The following ZNF521 variants were observed in gnomAD, a reference collection of about 807,000 sequenced individuals.
ZNF521 encodes zinc finger protein 521, also known as LYST-interacting protein 3.
A neutral mutation model predicts 105.5 loss-of-function variants in ZNF521; 14 were observed. The observed-to-expected ratio is 0.13, with a 90% CI of 0.09 to 0.21. The LOEUF (loss-of-function observed/expected upper bound fraction) is 0.21. Ranked by LOEUF, ZNF521 falls within the 10% of genes least tolerant of loss-of-function variation. ZNF521 has a pLI of 1.00. For missense variants in ZNF521, 1,233 were observed against 1,629.7 expected (o/e 0.76, Z 4.19); for synonymous variants, 635 against 606.0 (o/e 1.05, Z -0.70).
intron 5 of ZNF521, among the ~76,000 whole-genome samples, chr18:25,188,054 A>C (rs1315585347): frequency 2.6e-5 from 4 of 152,098 alleles, no homozygotes; most frequent in Non-Finnish European, 5.9e-5. Context: ...AACAGTACAG[A>C]AAAACAGAGT....
At chr18:25,298,215 T>G (rs1172722401) in intron 3 of ZNF521, among the ~76,000 whole-genome samples, 1 of 152,162 alleles carries the variant, frequency 6.6e-6, no homozygotes, top group East Asian at 1.9e-4. Flanking sequence ...AAATACAAAA[T>G]TTATAGAAGT....
chr18:25,253,574 T>C (rs904499723), intron 3 of ZNF521, among the ~76,000 whole-genome samples: 3 of 152,140 alleles, frequency 2.0e-5, no homozygotes, highest in African/African-American at 7.2e-5. Flanking sequence ...GGATTTTAAA[T>C]TTTTTGAATA....
At chr18:25,090,795 AC>A (rs1281034270) in intron 6 of ZNF521, among the ~76,000 whole-genome samples, 5 of 152,196 alleles carry the variant, frequency 3.3e-5, no homozygotes, top group Non-Finnish European at 7.3e-5. Context: ...CTTTATGAAG[AC>A]TTATGAGCTT....
intron 5 of ZNF521, among the ~76,000 whole-genome samples, chr18:25,153,326 C>T (rs1473142091): frequency 6.6e-6 from 1 of 152,180 alleles, no homozygotes; most frequent in African/African-American, 2.4e-5. Context: ...ACTGCCTATA[C>T]ACATTTCATC....
At chr18:25,336,204 A>G (rs1445185477) in intron 2 of ZNF521, among the ~76,000 whole-genome samples, 1 of 152,232 alleles carries the variant, frequency 6.6e-6, no homozygotes, top group Non-Finnish European at 1.5e-5. Context: ...GTGCTTCTAG[A>G]CAACACAGAA....
At chr18:25,112,134 A>G (rs552387483) in intron 5 of ZNF521, among the ~76,000 whole-genome samples, 2 of 152,346 alleles carry the variant, frequency 1.3e-5, no homozygotes, top group African/African-American at 4.8e-5. Context: ...TCCTCTTCAG[A>G]AAATGTTCTT....
intron 3 of ZNF521, among the ~76,000 whole-genome samples, chr18:25,279,370 C>T (rs188986032): frequency 1.3e-5 from 2 of 152,286 alleles, no homozygotes; most frequent in East Asian, 1.9e-4. Flanking sequence ...TGTGTGTAAA[C>T]GAGCTTCATA....
At chr18:25,082,507 AG>A in intron 7 of ZNF521, 1 of 437,920 alleles carries the variant, frequency 2.3e-6, no homozygotes. Context: ...AAGACATAAC[AG>A]GGTTTTGAGT....
rs915400310 is a variant in ZNF521 at position 25,291,837 on chromosome 18, A to G, written c.220+30171T>C. On this transcript the variant is annotated intron_variant, in intron 3 of 7. Transcript: ENST00000361524. Reference sequence around the variant, plus strand: ...AATTTCTGAGTTTCCAGAATACAATAATCAACACCCTCTCTAGATACAACT... The same window carrying G: ...AATTTCTGAGTTTCCAGAATACAATGATCAACACCCTCTCTAGATACAACT... Among the ~76,000 whole-genome samples the G allele has an allele frequency of 2.0e-5, 3 of 152,314 alleles. No homozygotes were observed. In the East Asian group the frequency reaches 5.8e-4, roughly 29 times the overall value.
intron 5 of ZNF521, among the ~76,000 whole-genome samples, chr18:25,169,345 C>A (rs1442735687): frequency 6.6e-6 from 1 of 152,088 alleles, no homozygotes; most frequent in African/African-American, 2.4e-5. Flanking sequence ...TCCACACTTG[C>A]TAGATAAAAC....
chr18:25,288,509 T>C (rs1703675465), intron 3 of ZNF521, among the ~76,000 whole-genome samples: 1 of 149,928 alleles, frequency 6.7e-6, no homozygotes, highest in Non-Finnish European at 1.5e-5. Flanking sequence ...TCTCTTTTCC[T>C]CTTTTCTCTC....
At chr18:25,303,267 C>CGTG (rs1911745328) in intron 3 of ZNF521, among the ~76,000 whole-genome samples, 1 of 139,022 alleles carries the variant, frequency 7.2e-6, no homozygotes, top group African/African-American at 2.8e-5. Flanking sequence ...CTCTTTCTTT[C>CGTG]TTTCGTGTGT....
chr18:25,105,744 A>G (rs759442907), intron 5 of ZNF521, among the ~76,000 whole-genome samples: 40 of 152,186 alleles, frequency 2.6e-4, no homozygotes, highest in Non-Finnish European at 5.3e-4. Flanking sequence ...TAGATTCCAG[A>G]TTAGAGAAAA....
chr18:25,191,325 C>G (rs1056964753), intron 5 of ZNF521, among the ~76,000 whole-genome samples: 8 of 152,136 alleles, frequency 5.3e-5, no homozygotes, highest in Admixed American at 4.6e-4. Context: ...CAGCTATATC[C>G]TGACTACTTG....
At chr18:25,269,504 G>A (rs1232374175) in intron 3 of ZNF521, among the ~76,000 whole-genome samples, 3 of 151,918 alleles carry the variant, frequency 2.0e-5, no homozygotes, top group East Asian at 1.9e-4. Flanking sequence ...TCAGCACCAC[G>A]TAGCACTTAT....
chr18:25,280,078 G>A (rs1910269152), intron 3 of ZNF521, among the ~76,000 whole-genome samples: 1 of 152,204 alleles, frequency 6.6e-6, no homozygotes, highest in African/African-American at 2.4e-5. Context: ...GCTCAGAGCT[G>A]GAAGGATCCT....
chr18:25,151,802 G>A (rs1468637390), intron 5 of ZNF521, among the ~76,000 whole-genome samples: 3 of 152,120 alleles, frequency 2.0e-5, no homozygotes, highest in Non-Finnish European at 4.4e-5. Context: ...TACTAGAAAA[G>A]CCCCCCAAAA....
chr18:25,180,512 C>CA (rs34127829), intron 5 of ZNF521, among the ~76,000 whole-genome samples: 30,622 of 139,666 alleles, frequency 0.22, 3,277 homozygotes, highest in East Asian at 0.35. Context: ...TTATCTCTTG[C>CA]AAAAAAAAAA....
intron 3 of ZNF521, among the ~76,000 whole-genome samples, chr18:25,274,043 GGT>G (rs1185503748): frequency 6.6e-6 from 1 of 152,128 alleles, no homozygotes; most frequent in East Asian, 1.9e-4. Context: ...AAGATTAAAA[GGT>G]GGAATCTACC....
Sources: allele counts gnomAD v4.1 joint callset (sites outside exome capture counted in the v4.1 genomes callset), GRCh38; gene constraint gnomAD v4.1.1; transcripts MANE v1.5; gene names NCBI Gene and HGNC (gene_info 2026-07-23, HGNC 2026-07-21).